The following TRAF3 variants were observed in gnomAD, a reference collection of about 807,000 sequenced individuals.
TRAF3 encodes the protein TNF receptor-associated factor 3.
Under a neutral mutation model 62.3 loss-of-function variants are expected in TRAF3, and 13 were observed. The ratio of observed to expected loss-of-function variants is 0.21; its 90% confidence interval spans 0.14 to 0.33. The LOEUF (loss-of-function observed/expected upper bound fraction) is 0.33, where lower values mean the gene tolerates loss of function less well. Among genes scored for constraint, TRAF3 ranks in the 10% least tolerant of loss-of-function variants. The pLI, the probability that TRAF3 is intolerant of heterozygous loss-of-function variation, is 1.00. For missense variants in TRAF3, 440 were observed against 741.8 expected, an observed-to-expected ratio of 0.59 and a Z score of 4.73; for synonymous variants, 269 against 283.4, an observed-to-expected ratio of 0.95 and a Z score of 0.51.
At chr14:102,890,651 CAA>C (rs1311265266) in intron 8 of TRAF3, among the ~76,000 whole-genome samples, 3 of 152,106 alleles carry the variant, frequency 2.0e-5, no homozygotes, top group Non-Finnish European at 4.4e-5. Flanking sequence ...AATAGCAAAA[CAA>C]ATTATATTTC....
Position 102,847,201 on chromosome 14 carries a change from C to T in TRAF3, c.-18+16729C>T, listed in dbSNP as rs575918455. On this transcript the variant is annotated intron_variant, in intron 2 of 11. Coordinates refer to ENST00000392745, the MANE Select transcript of TRAF3 (RefSeq NM_145725.3). ...TTTTTATTTATTTGAGATGGAGTCT[C>T]GCTCTGTCGCCCAGACTGGAGTGCA... Among the ~76,000 whole-genome samples the T allele has an allele frequency of 9.3e-4, 142 of 152,194 alleles. 1 individual carries two copies. Among genetic ancestry groups the T allele is most frequent in the African/African-American group, 3.0e-3 (126 of 41,536 alleles).
chr14:102,807,001 G>A (rs1284492358), intron 1 of TRAF3, among the ~76,000 whole-genome samples: 1 of 152,106 alleles, frequency 6.6e-6, no homozygotes, highest in African/African-American at 2.4e-5. Context: ...ACAATCTGTC[G>A]TTGGTGCTCA....
intron 1 of TRAF3, among the ~76,000 whole-genome samples, chr14:102,778,700 A>G (rs1897143605): frequency 6.6e-6 from 1 of 152,186 alleles, no homozygotes; most frequent in Non-Finnish European, 1.5e-5. Flanking sequence ...ATACAACTGA[A>G]GAGGAGCCAT....
chr14:102,855,077 A>T (rs1170592034), intron 2 of TRAF3, among the ~76,000 whole-genome samples: 1 of 152,142 alleles, frequency 6.6e-6, no homozygotes, highest in South Asian at 2.1e-4. Context: ...TTTCATGTAG[A>T]TGAAATCGTA....
intron 2 of TRAF3, among the ~76,000 whole-genome samples, chr14:102,855,655 G>C (rs1311670263): frequency 6.6e-6 from 1 of 151,954 alleles, no homozygotes; most frequent in Non-Finnish European, 1.5e-5. Flanking sequence ...AATTAGCCAG[G>C]CGTGGTGGCA....
At chr14:102,870,108 A>G (rs1256911939) in intron 2 of TRAF3, 77 bp from the exon 3 acceptor site, 1 of 1,593,572 alleles carries the variant, frequency 6.3e-7, no homozygotes, top group Non-Finnish European at 8.6e-7. Flanking sequence ...GGTCTCAGGC[A>G]CTTTTGCTTT....
At chr14:102,849,523 A>G (rs1005545132) in intron 2 of TRAF3, among the ~76,000 whole-genome samples, 16 of 152,136 alleles carry the variant, frequency 1.1e-4, no homozygotes, top group African/African-American at 2.9e-4. Flanking sequence ...CCAAATAACT[A>G]TTGTTTTCTC....
In TRAF3 at chr14:102,871,924, A is replaced by G. The variant is rs777901124; in HGVS notation, c.253A>G (p.Ser85Gly). ...ACTTGTGTTTCCCTGCAGCTCTTCA[A>G]GTCCAAAATGTACAGCGTGTCAAGA... Reference protein sequence around the residue: ...SCMAALLSSSSPKCTACQESI... With the variant: ...SCMAALLSSSGPKCTACQESI... Residue 85 changes from serine to glycine, a missense_variant, in exon 4 of 12, where the codon AGT becomes GGT. Physicochemically the swap from Ser to Gly is moderately conservative, Grantham distance 56 (BLOSUM62 0). Coordinates refer to ENST00000392745, the MANE Select transcript of TRAF3 (RefSeq NM_145725.3). 85 of 1,614,094 alleles carry G rather than the reference A, an allele frequency of 5.3e-5. No individual in the cohort carries two copies. The highest frequency in any genetic ancestry group is 7.1e-5 in the Non-Finnish European group (84 of 1,180,036).
chr14:102,903,385 TG>T lies in TRAF3; in HGVS notation c.1093del (p.Glu365ArgfsTer21). On this transcript the variant is annotated frameshift_variant, in exon 11 of 12. Transcript: ENST00000392745. LOFTEE classifies it high-confidence loss of function. The surrounding 1 kb of genome is among the most constrained non-coding windows in gnomAD (Gnocchi z 6.4). ...TCCCTCCAGAACCGCGTGACCGAGC[TG>T]GAGAGCGTGGACAAGAGCGCGGGGC... The part of the protein sequence containing the change: ...VESLQNRVTE[L>X]ESVDKSAGQV... 6.2e-7 allele frequency: 1 copy of T among 1,613,992 alleles called. No homozygotes were observed.
chr14:102,902,174 C>T (rs1890336711), intron 10 of TRAF3, among the ~76,000 whole-genome samples: 1 of 152,268 alleles, frequency 6.6e-6, no homozygotes, highest in African/African-American at 2.4e-5. Flanking sequence ...AAAGTCAGGC[C>T]TGGTTACTGG....
chr14:102,892,350 G>A (rs941620852), intron 9 of TRAF3, among the ~76,000 whole-genome samples: 2 of 152,288 alleles, frequency 1.3e-5, no homozygotes, highest in East Asian at 1.9e-4. Flanking sequence ...GAGCCACCAC[G>A]CCCAGCCTCC....
chr14:102,903,511 C>G lies in TRAF3; in HGVS notation c.1135+82C>G, dbSNP rs1425793666. On this transcript the variant is annotated intron_variant, in intron 11 of 11. Coordinates refer to ENST00000392745, the MANE Select transcript of TRAF3 (RefSeq NM_145725.3). This position sits in a 1 kb window ranked among gnomAD's most constrained non-coding sequence, Gnocchi z 6.4. Reference sequence around the variant, plus strand: ...TGGGGCGGGGTCCGTGGGATGAGGGCTATGTTAGGTACATGTGCCTTAGGA... The same window carrying G: ...TGGGGCGGGGTCCGTGGGATGAGGGGTATGTTAGGTACATGTGCCTTAGGA... 1 of 1,583,996 alleles carries G rather than the reference C, an allele frequency of 6.3e-7. No homozygotes were observed. The highest frequency in any genetic ancestry group is 2.3e-5 in the East Asian group (1 of 44,258).
intron 10 of TRAF3, among the ~76,000 whole-genome samples, chr14:102,898,972 G>A (rs968452624): frequency 6.6e-6 from 1 of 152,198 alleles, no homozygotes; most frequent in Admixed American, 6.5e-5. Flanking sequence ...AGGTGATGGC[G>A]CACCTGCCTC....
intron 1 of TRAF3, among the ~76,000 whole-genome samples, chr14:102,824,358 C>G (rs111478256): frequency 6.6e-6 from 1 of 152,204 alleles, no homozygotes; most frequent in Non-Finnish European, 1.5e-5. Flanking sequence ...ATGGTCTTAT[C>G]CTGTATAGAT....
At chr14:102,894,212 A>C (rs1889882254) in intron 9 of TRAF3, among the ~76,000 whole-genome samples, 1 of 152,144 alleles carries the variant, frequency 6.6e-6, no homozygotes, top group Non-Finnish European at 1.5e-5. Flanking sequence ...CTGTGATCCC[A>C]GCTACTCGGG....
At chr14:102,855,117 C>T (rs1887289472) in intron 2 of TRAF3, among the ~76,000 whole-genome samples, 1 of 152,220 alleles carries the variant, frequency 6.6e-6, no homozygotes, top group Non-Finnish European at 1.5e-5. Flanking sequence ...GACTTACTCA[C>T]TTAGCATGTT....
intron 5 of TRAF3, 41 bp from the exon 6 acceptor site, chr14:102,876,316 GT>G: frequency 1.2e-6 from 2 of 1,609,076 alleles, no homozygotes; most frequent in Non-Finnish European, 1.7e-6. Flanking sequence ...CAGATTTAGG[GT>G]TTTTTTCCCA....
rs186606565 is a variant in TRAF3, at chr14:102,794,663, G to C, written c.-157+16988G>C. ...TGATCTGGTATACGCATGGTGGCTA[G>C]ATTCCATAGTGCTCTCAGTAATATA... On this transcript the variant is annotated intron_variant, in intron 1 of 11. Coordinates refer to ENST00000392745, the MANE Select transcript of TRAF3 (RefSeq NM_145725.3). 2.0e-5 allele frequency among the ~76,000 whole-genome samples: 3 copies of C among 152,330 alleles called. No individual in the cohort carries two copies. The East Asian group carries it at 5.8e-4, about 29-fold the overall frequency.
Position 102,884,747 on chromosome 14 carries a change from G to A in TRAF3, c.571-1442G>A, listed in dbSNP as rs552212330. 1.5e-3 allele frequency among the ~76,000 whole-genome samples: 232 copies of A among 152,126 alleles called. 2 individuals carry two copies. The highest frequency in any genetic ancestry group is 6.9e-4 in the Non-Finnish European group (47 of 68,000). ...GAATTGCTTGAACCCAGGAGGCGGA[G>A]GTTGCTGTGAGCCAAGATTGCACCA... is the stretch of plus-strand genomic sequence containing the variant. On this transcript the variant is annotated intron_variant, in intron 6 of 11. Transcript: ENST00000392745.
Sources: allele counts gnomAD v4.1 joint callset (sites outside exome capture counted in the v4.1 genomes callset), GRCh38; gene constraint gnomAD v4.1.1; non-coding constraint Gnocchi (gnomAD v3.1); transcripts MANE v1.5; gene names NCBI Gene and HGNC (gene_info 2026-07-23, HGNC 2026-07-21).